ATP2B3: variants seen among roughly 807,000 people sequenced by gnomAD.
The protein encoded by ATP2B3 is ATPase plasma membrane Ca2+ transporting 3.
Under a neutral mutation model 70.8 loss-of-function variants are expected in ATP2B3, and 12 were observed. The ratio of observed to expected loss-of-function variants is 0.17; its 90% CI spans 0.11 to 0.27. The LOEUF is 0.27. Among genes scored for constraint, ATP2B3 ranks in the 10% least tolerant of loss-of-function variants. The pLI, the probability that ATP2B3 is intolerant of heterozygous loss-of-function variation, is 1.00. For missense variants in ATP2B3, 858 were observed against 1,118.5 expected, an observed-to-expected ratio of 0.77 and a Z score of 3.32; for synonymous variants, 460 against 497.8, an observed-to-expected ratio of 0.92 and a Z score of 1.01.
At chrX:153,551,175 C>T (rs1210470472) in intron 12 of ATP2B3, among the ~76,000 whole-genome samples, 1 of 112,455 alleles carries the variant, frequency 8.9e-6, no homozygotes, top group Non-Finnish European at 1.9e-5. Flanking sequence ...TTTCACATTC[C>T]CACCAGCGAC....
intron 2 of ATP2B3, among the ~76,000 whole-genome samples, chrX:153,519,000 C>T (rs1170974899): frequency 9.9e-5 from 11 of 111,438 alleles, no homozygotes; most frequent in African/African-American, 3.6e-4. Context: ...ACTTGGGCAC[C>T]AGTCTGGCAG....
intron 2 of ATP2B3, among the ~76,000 whole-genome samples, chrX:153,527,269 T>C (rs782668494): frequency 4.4e-5 from 5 of 112,396 alleles, no homozygotes; most frequent in Admixed American, 3.7e-4. Context: ...CGGCTTCCCA[T>C]TGGACCCCAA....
chrX:153,561,990 C>A (rs1166379578), intron 19 of ATP2B3, 145 bp from the exon 20 acceptor site: 1 of 553,404 alleles, frequency 1.8e-6, no homozygotes. Context: ...TGTCATCACG[C>A]CCCCGGCCTT....
chrX:153,569,874 C>A, intron 21 of ATP2B3: 1 of 834,552 alleles, frequency 1.2e-6, no homozygotes, highest in Non-Finnish European at 1.7e-6. Context: ...CTTTTCTGTT[C>A]TTTCTTTACC....
intron 21 of ATP2B3, chrX:153,569,632 C>A: frequency 8.3e-7 from 1 of 1,211,529 alleles, no homozygotes. Flanking sequence ...TCAAGAGAAG[C>A]GGTTCAGTTC....
chrX:153,573,096 G>A (rs984524548), intron 21 of ATP2B3, among the ~76,000 whole-genome samples: 1 of 112,738 alleles, frequency 8.9e-6, no homozygotes, highest in Non-Finnish European at 1.9e-5. Flanking sequence ...CCCAGCAAAG[G>A]AGCAGGGGTT....
chrX:153,528,815 A>T (rs1006403949), intron 2 of ATP2B3, among the ~76,000 whole-genome samples: 29 of 112,163 alleles, frequency 2.6e-4, no homozygotes, highest in Non-Finnish European at 4.5e-4. Flanking sequence ...GAAGGAGGGG[A>T]AGGGCAGAGG....
intron 2 of ATP2B3, among the ~76,000 whole-genome samples, chrX:153,523,145 GT>G (rs782725843): frequency 8.5e-4 from 94 of 111,170 alleles, no homozygotes; most frequent in Non-Finnish European, 1.3e-3. Flanking sequence ...TAAATGAATG[GT>G]TTTTTTCAAA....
intron 21 of ATP2B3, among the ~76,000 whole-genome samples, chrX:153,568,616 G>A (rs954981467): frequency 8.9e-6 from 1 of 112,168 alleles, no homozygotes; most frequent in African/African-American, 3.2e-5. Flanking sequence ...ACAAGCAAGC[G>A]AGTGGGATGT....
At chrX:153,522,951 C>T (rs2089979142) in intron 2 of ATP2B3, among the ~76,000 whole-genome samples, 1 of 110,407 alleles carries the variant, frequency 9.1e-6, no homozygotes, top group Admixed American at 9.6e-5. Context: ...TTAATATGCT[C>T]TCTATAGGAA....
intron 21 of ATP2B3, among the ~76,000 whole-genome samples, chrX:153,574,204 C>T (rs1428344477): frequency 4.4e-5 from 5 of 112,493 alleles, no homozygotes; most frequent in Non-Finnish European, 7.5e-5. Context: ...CTTGAGGACA[C>T]CTTTGTCTCG....
chrX:153,525,171 A>G (rs782293308), intron 2 of ATP2B3, among the ~76,000 whole-genome samples: 53 of 112,228 alleles, frequency 4.7e-4, no homozygotes, highest in Non-Finnish European at 8.5e-4. Flanking sequence ...CCGGCAGAAG[A>G]TGACCTCAAA....
rs1183962614 is a variant in ATP2B3, at chrX:153,546,235, A to G, written c.958+106A>G. The G allele has an allele frequency of 6.3e-6, 6 of 956,150 alleles. No homozygotes were observed. In the Admixed American group the frequency reaches 7.4e-5, roughly 12 times the overall value. The allele number at this position is 956,150 out of a possible 1,213,427, so 78.8% of individuals were successfully genotyped here. On this transcript the variant is annotated intron_variant, in intron 8 of 21. Coordinates refer to ENST00000263519, the MANE Select transcript of ATP2B3 (RefSeq NM_001001344.3). ...TTCACCTGCCTCGGTGGCAGGAGCA[A>G]CACTTGGAGACCAGGTGAGTGGGCT... is the stretch of plus-strand genomic sequence containing the variant.
At chrX:153,546,420 G>A (rs782267260) in intron 8 of ATP2B3, among the ~76,000 whole-genome samples, 2 of 112,814 alleles carry the variant, frequency 1.8e-5, no homozygotes, top group Admixed American at 9.3e-5. Context: ...TGGGCGCCCC[G>A]AGTCCACTCT....
chrX:153,534,219 G>A (rs1226239936), intron 2 of ATP2B3, among the ~76,000 whole-genome samples: 2 of 111,699 alleles, frequency 1.8e-5, no homozygotes, highest in Non-Finnish European at 3.8e-5. Context: ...GTCTCGAGAA[G>A]ACGAGGAGTC....
In ATP2B3 at chrX:153,558,298, A is replaced by T. The variant is rs945968594; in HGVS notation, c.2620A>T (p.Thr874Ser). ...VIVAFTGACITQDSPLKAVQM... is the reference protein window; with the variant it reads ...VIVAFTGACISQDSPLKAVQM... ...CGTGGCCTTCACAGGTGCCTGCATT[A>T]CTCAGGTGGGTACTGGGGGCTGCCA... The change falls in exon 17 of 22, where the codon ACT becomes TCT. Residue 874 changes from threonine (T) to serine (S), a missense_variant. By Grantham distance (58) the Thr-to-Ser change is moderately conservative. Transcript: ENST00000263519. 3 of 1,207,291 alleles carry T rather than the reference A, an allele frequency of 2.5e-6. No individual in the cohort carries two copies. In the African/African-American group the frequency reaches 5.2e-5, roughly 21 times the overall value.
At chrX:153,556,590 C>T (rs932737710) in intron 15 of ATP2B3, among the ~76,000 whole-genome samples, 172 bp downstream of exon 15, 2 of 112,067 alleles carry the variant, frequency 1.8e-5, no homozygotes, top group East Asian at 2.8e-4. Flanking sequence ...AACCAGGGTT[C>T]GGGGAGGGCT....
intron 12 of ATP2B3, among the ~76,000 whole-genome samples, 194 bp downstream of exon 12, chrX:153,550,480 GA>G (rs1486713785): frequency 2.7e-5 from 3 of 111,533 alleles, no homozygotes; most frequent in Non-Finnish European, 5.7e-5. Flanking sequence ...AACCCGGAAA[GA>G]AACCCCAGGC....
intron 2 of ATP2B3, among the ~76,000 whole-genome samples, chrX:153,531,186 G>A (rs1043820806): frequency 8.9e-5 from 10 of 112,918 alleles, no homozygotes; most frequent in Non-Finnish European, 1.5e-4. Context: ...CCAGCATCTC[G>A]ACCTGCCTAG....
Sources: gnomAD v4.1 joint callset for allele counts (sites outside exome capture counted in the v4.1 genomes callset) on GRCh38, gnomAD v4.1.1 for gene constraint, MANE v1.5 for transcripts, NCBI Gene and HGNC (gene_info 2026-07-23, HGNC 2026-07-21) for gene names.